CDS2: variants seen among roughly 807,000 people sequenced by gnomAD.
The protein encoded by CDS2 is CDP-diacylglycerol synthase 2, also known as phosphatidate cytidylyltransferase 2.
CDS2 carries 47 observed loss-of-function variants against 59.0 expected under a neutral mutation model. The observed-to-expected ratio is 0.80, with a 90% CI of 0.63 to 1.02. The LOEUF (loss-of-function observed/expected upper bound fraction) is 1.02. Among genes scored for constraint, CDS2 ranks in the 50% least tolerant of loss-of-function variants. The pLI is 0.00. For missense variants in CDS2, 356 were observed against 558.9 expected (o/e 0.64, Z 3.66); for synonymous variants, 207 against 206.4 (o/e 1.00, Z -0.02).
chr20:5,135,446 C>CTGTTTGTGTGTCA lies in CDS2; in HGVS notation c.57+8299_57+8311dup, dbSNP rs1555780012. On this transcript the variant is annotated intron_variant, in intron 1 of 12. Coordinates refer to ENST00000460006, the MANE Select transcript of CDS2 (RefSeq NM_003818.4). ...GGCTGTTGGGGGTGAAAAAGTACAG[C>CTGTTTGTGTGTCA]TGTTTGTGTGTCATACTGCCTCTGG... Among the ~76,000 whole-genome samples the CTGTTTGTGTGTCA allele has an allele frequency of 3.7e-3, 561 of 149,750 alleles. 4 individuals are homozygous for CTGTTTGTGTGTCA. Among genetic ancestry groups the CTGTTTGTGTGTCA allele is most frequent in the African/African-American group, 0.013 (518 of 39,056 alleles).
intron 1 of CDS2, chr20:5,128,729 A>G (rs1168324116): frequency 2.6e-5 from 4 of 152,224 alleles, no homozygotes. Context: ...AAGAATTCTG[A>G]CTTACCTTGT....
At chr20:5,127,643 C>A (rs899563383) in intron 1 of CDS2, among the ~76,000 whole-genome samples, 7 of 152,182 alleles carry the variant, frequency 4.6e-5, no homozygotes, top group African/African-American at 1.7e-4. Context: ...GGCATGAAAT[C>A]ATCGGCTTTG....
intron 10 of CDS2, chr20:5,187,041 G>T: frequency 2.0e-5 from 6 of 293,644 alleles, no homozygotes; most frequent in Non-Finnish European, 3.2e-5. Flanking sequence ...TAGACCAGTG[G>T]TTTTCAAAGT....
chr20:5,138,629 G>T (rs1264016478), intron 1 of CDS2, among the ~76,000 whole-genome samples: 1 of 151,810 alleles, frequency 6.6e-6, no homozygotes, highest in Non-Finnish European at 1.5e-5. Flanking sequence ...GGGATTACAG[G>T]CATGCACCAC....
chr20:5,173,488 T>C, intron 1 of CDS2, 35 bp from the exon 2 acceptor site: 1 of 1,612,696 alleles, frequency 6.2e-7, no homozygotes, highest in Non-Finnish European at 8.5e-7. Flanking sequence ...CTCGGCACTT[T>C]TGACCTTTTT....
chr20:5,134,253 A>G (rs2090630666), intron 1 of CDS2, among the ~76,000 whole-genome samples: 1 of 152,194 alleles, frequency 6.6e-6, no homozygotes. Flanking sequence ...CTTTCCAGTT[A>G]ATGACTGTTA....
At chr20:5,158,974 T>G (rs2123010348) in intron 1 of CDS2, among the ~76,000 whole-genome samples, 2 of 152,324 alleles carry the variant, frequency 1.3e-5, no homozygotes, top group South Asian at 4.1e-4. Flanking sequence ...GTGAGGCACT[T>G]GATGTTAGGA....
Position 5,192,315 on chromosome 20 carries a change from A to G in CDS2, c.*2081A>G, listed in dbSNP as rs1311111965. On this transcript the variant is annotated 3_prime_UTR_variant, in exon 13 of 13. Transcript: ENST00000460006. ...CCGAGCATACTGGGCAAGGCTCATC[A>G]TGTTCCTTTGTGGAAGTGGTTACTT... 7.8e-6 allele frequency: 1 copy of G among 128,860 alleles called. No individual in the cohort carries two copies. 8.0% of individuals were successfully genotyped at this position (128,860 alleles called of 1,614,324 possible). A position where few individuals can be genotyped will look rare whatever the true frequency, so the allele number is the denominator to read the frequency against.
intron 6 of CDS2, among the ~76,000 whole-genome samples, chr20:5,182,696 C>T (rs1476887927): frequency 6.6e-6 from 1 of 152,238 alleles, no homozygotes; most frequent in Admixed American, 6.5e-5. Context: ...CCAGAGAAGG[C>T]ACAAGCTGAA....
rs2091013428 is a variant in CDS2 at position 5,178,913 on chromosome 20, C to T, written c.486C>T (p.Leu162=). Residue 162 remains leucine (L), a synonymous_variant, in exon 5 of 13, where the codon CTC becomes CTT. Coordinates refer to ENST00000460006, the MANE Select transcript of CDS2 (RefSeq NM_003818.4). The part of the protein sequence containing the change: ...LVQREEPLRI[L]SKYHRFISFT... ...AGAGAGAAGAGCCTTTGCGGATTCT[C>T]AGTAAATACCACCGGTTCATTTCCT... 1 of 1,613,974 alleles carries T rather than the reference C, an allele frequency of 6.2e-7. No homozygotes were observed. The highest frequency in any genetic ancestry group is 8.5e-7 in the Non-Finnish European group (1 of 1,179,938).
At chr20:5,145,822 G>GTTTTTTTT (rs11470811) in intron 1 of CDS2, among the ~76,000 whole-genome samples, 1 of 129,254 alleles carries the variant, frequency 7.7e-6, no homozygotes, top group Non-Finnish European at 1.6e-5. Context: ...TGCTTTTTGT[G>GTTTTTTTT]TTTTTTTTTT....
intron 12 of CDS2, 71 bp downstream of exon 12, chr20:5,189,909 C>A: frequency 7.1e-7 from 1 of 1,406,002 alleles, no homozygotes; most frequent in Non-Finnish European, 9.9e-7. Flanking sequence ...ATTTTAGCGG[C>A]ATCTAAGTTC....
intron 1 of CDS2, among the ~76,000 whole-genome samples, chr20:5,158,425 G>T (rs1357513264): frequency 6.6e-6 from 1 of 152,060 alleles, no homozygotes; most frequent in South Asian, 2.1e-4. Context: ...ACCTGCCTTG[G>T]CCTCCCAAAG....
rs950134928 is a variant in CDS2, at chr20:5,194,210, C to T, written c.*3976C>T. The T allele has an allele frequency of 6.6e-6, 1 of 152,350 alleles. No homozygotes were observed. Among genetic ancestry groups the T allele is most frequent in the Admixed American group, 6.5e-5 (1 of 15,284 alleles). The allele number at this position is 152,350 out of a possible 1,614,324, so 9.4% of individuals were successfully genotyped here. A position where few individuals can be genotyped will look rare whatever the true frequency, so the allele number is the denominator to read the frequency against. ...CCTTTTCCCTTGATCACCCTGCACG[C>T]AGCTGCCCAGCTTCCAGTTTTTAAA... is the stretch of plus-strand genomic sequence containing the variant. On this transcript the variant is annotated 3_prime_UTR_variant, in exon 13 of 13. Coordinates refer to ENST00000460006, the MANE Select transcript of CDS2 (RefSeq NM_003818.4).
At chr20:5,165,845 A>G (rs1014753760) in intron 1 of CDS2, among the ~76,000 whole-genome samples, 2 of 152,196 alleles carry the variant, frequency 1.3e-5, no homozygotes, top group Non-Finnish European at 2.9e-5. Context: ...TGGTTTGCAG[A>G]CTGTTTAAGT....
In CDS2 at chr20:5,175,206, G is replaced by A; in HGVS notation, c.218G>A (p.Gly73Asp). The change falls in exon 3 of 13, where the codon GGC (glycine) becomes GAC (aspartate). Residue 73 changes from glycine to aspartate, a missense_variant. Transcript: ENST00000460006. ...AGATGGAAGAACTGGTGGGTGAGAGGCATCCTGACTTTGGCCATGATTGCA... is the reference window on the plus strand; with the variant it reads ...AGATGGAAGAACTGGTGGGTGAGAGACATCCTGACTTTGGCCATGATTGCA... ...SSRWKNWWVR[G>D]ILTLAMIAFF... 1.2e-6 allele frequency: 2 copies of A among 1,613,966 alleles called. No individual in the cohort carries two copies. Among genetic ancestry groups the A allele is most frequent in the Non-Finnish European group, 1.7e-6 (2 of 1,179,842 alleles).
rs1422337015 is a variant in CDS2 at position 5,176,709 on chromosome 20, A to G, written c.353A>G (p.His118Arg). ...EIITIGYNVYHSYDLPWFRTL... is the reference protein window; with the variant it reads ...EIITIGYNVYRSYDLPWFRTL... ...ATCACTATTGGCTACAACGTCTACC[A>G]CTCATATGATCTGCCCTGGTTCAGG... The change falls in exon 4 of 13, where the codon CAC (histidine) becomes CGC (arginine). Residue 118 changes from histidine to arginine, a missense_variant. Coordinates refer to ENST00000460006, the MANE Select transcript of CDS2 (RefSeq NM_003818.4). The G allele has an allele frequency of 3.1e-6, 5 of 1,613,892 alleles. No homozygotes were observed. In the East Asian group the frequency reaches 6.7e-5, roughly 22 times the overall value.
intron 3 of CDS2, 31 bp from the exon 4 acceptor site, chr20:5,176,616 TG>T: frequency 1.4e-5 from 21 of 1,525,584 alleles, no homozygotes; most frequent in Non-Finnish European, 1.9e-5. Context: ...TCATAAGAAT[TG>T]GGGTGTCAGT....
intron 1 of CDS2, among the ~76,000 whole-genome samples, chr20:5,158,368 C>T (rs1022081272): frequency 1.8e-4 from 28 of 152,058 alleles, no homozygotes; most frequent in Non-Finnish European, 3.2e-4. Context: ...GACGGGGTTT[C>T]ACCATGTTGT....
Sources: allele counts gnomAD v4.1 joint callset (sites outside exome capture counted in the v4.1 genomes callset), GRCh38; gene constraint gnomAD v4.1.1; transcripts MANE v1.5; gene names NCBI Gene and HGNC (gene_info 2026-07-23, HGNC 2026-07-21).